The following ATF7IP2 variants were observed in gnomAD, a reference collection of about 807,000 sequenced individuals.
The protein encoded by ATF7IP2 is activating transcription factor 7-interacting protein 2.
Under a neutral mutation model 64.2 loss-of-function variants are expected in ATF7IP2, and 42 were observed. That is an observed-to-expected ratio of 0.65 (90% CI 0.51 to 0.85). The LOEUF (loss-of-function observed/expected upper bound fraction) is 0.85, where lower values mean the gene tolerates loss of function less well. ATF7IP2 is among the 40% of genes least tolerant of loss of function. ATF7IP2 has a pLI of 0.00. For missense variants in ATF7IP2, 933 were observed against 784.2 expected, an observed-to-expected ratio of 1.19 and a Z score of -2.27; for synonymous variants, 308 against 272.8, an observed-to-expected ratio of 1.13 and a Z score of -1.27.
chr16:10,461,242 T>A (rs1444387247), intron 9 of ATF7IP2, among the ~76,000 whole-genome samples: 3 of 152,116 alleles, frequency 2.0e-5, no homozygotes, highest in Non-Finnish European at 4.4e-5. Flanking sequence ...TAATGTTTTG[T>A]TGCGTGAGTA....
chr16:10,467,749 C>T (rs1194104040), intron 9 of ATF7IP2, among the ~76,000 whole-genome samples: 1 of 151,874 alleles, frequency 6.6e-6, no homozygotes, highest in Non-Finnish European at 1.5e-5. Context: ...GATGGGGTTT[C>T]ACCATGTTAT....
chr16:10,396,979 T>C (rs899848688), intron 1 of ATF7IP2, among the ~76,000 whole-genome samples: 1 of 152,160 alleles, frequency 6.6e-6, no homozygotes, highest in African/African-American at 2.4e-5. Flanking sequence ...CATTTAACTT[T>C]GTAGTAATGC....
intron 5 of ATF7IP2, 114 bp from the exon 6 acceptor site, chr16:10,433,411 G>A (rs1390890547): frequency 1.6e-5 from 15 of 951,930 alleles, no homozygotes; most frequent in South Asian, 3.3e-5. Flanking sequence ...CTGGCCTTAA[G>A]CCACCCTCCC....
Position 10,483,163 on chromosome 16 carries a change from C to CTGTT in ATF7IP2, c.*918_*921dup, listed in dbSNP as rs1286753922. 3.9e-5 allele frequency: 6 copies of CTGTT among 152,168 alleles called. No homozygotes were observed. Among genetic ancestry groups the CTGTT allele is most frequent in the Admixed American group, 1.3e-4 (2 of 15,276 alleles). 9.4% of individuals were successfully genotyped at this position (152,168 alleles called of 1,614,324 possible). On this transcript the variant is annotated 3_prime_UTR_variant, in exon 14 of 14. Transcript: ENST00000562102. ...AATAGCCTGGAGGTCTTTCCTGAAT[C>CTGTT]TGTTTGTAGACATAATAAAATTTGT...
intron 8 of ATF7IP2, among the ~76,000 whole-genome samples, chr16:10,441,263 C>T (rs1567467054): frequency 6.6e-6 from 1 of 152,268 alleles, no homozygotes; most frequent in East Asian, 1.9e-4. Flanking sequence ...TGGGTATATA[C>T]CCAGTAATGG....
chr16:10,461,271 A>T (rs1353503102), intron 9 of ATF7IP2, among the ~76,000 whole-genome samples: 1 of 152,128 alleles, frequency 6.6e-6, no homozygotes, highest in East Asian at 1.9e-4. Flanking sequence ...TAGTACTCTA[A>T]AGAAAATTGG....
rs867280648 is a variant in ATF7IP2 at position 10,467,654 on chromosome 16, G to A, written c.1353-4456G>A. Among the ~76,000 whole-genome samples, 10 of 150,140 alleles carry A rather than the reference G, an allele frequency of 6.7e-5. No individual in the cohort carries two copies. The East Asian group carries it at 2.0e-3, about 29-fold the overall frequency. ...TGTATCTTGGCTCACTGCAACCTGT[G>A]CCTCACAGTTCAAGCGATTCTCCTG... On this transcript the variant is annotated intron_variant, in intron 9 of 13. Coordinates refer to ENST00000562102, the MANE Select transcript of ATF7IP2 (RefSeq NM_001393719.1).
At position 10,395,030 on chromosome 16, in the gene ATF7IP2, T is replaced by C. The variant is rs1418654363; in HGVS notation, c.-242+8908T>C. Among the ~76,000 whole-genome samples the C allele has an allele frequency of 2.6e-5, 4 of 152,008 alleles. No homozygotes were observed. In the East Asian group the frequency reaches 5.8e-4, roughly 22 times the overall value. On this transcript the variant is annotated intron_variant, in intron 1 of 13. Coordinates refer to ENST00000562102, the MANE Select transcript of ATF7IP2 (RefSeq NM_001393719.1). ...TAGACAAAAATAGAAAAGGAAACCATAAATCATTTTCTTAAACGATCAAGA... is the reference window on the plus strand; with the variant it reads ...TAGACAAAAATAGAAAAGGAAACCACAAATCATTTTCTTAAACGATCAAGA...
intron 6 of ATF7IP2, among the ~76,000 whole-genome samples, chr16:10,435,146 G>A (rs2060645565): frequency 6.6e-6 from 1 of 152,160 alleles, no homozygotes; most frequent in Non-Finnish European, 1.5e-5. Context: ...CCAAACAGTT[G>A]TCTCTCTCAA....
intron 8 of ATF7IP2, chr16:10,445,281 C>T (rs1270504278): frequency 6.6e-6 from 1 of 152,140 alleles, no homozygotes; most frequent in Non-Finnish European, 1.5e-5. Context: ...TTTTCTTTAG[C>T]CCCTGTTTTT....
chr16:10,423,880 G>T (rs951469937), intron 3 of ATF7IP2, among the ~76,000 whole-genome samples: 4 of 152,148 alleles, frequency 2.6e-5, no homozygotes, highest in Admixed American at 1.3e-4. Context: ...GAGTACTCGG[G>T]TGTCCTCCAG....
intron 2 of ATF7IP2, among the ~76,000 whole-genome samples, chr16:10,416,862 C>G (rs1034814854): frequency 2.6e-5 from 4 of 152,172 alleles, no homozygotes; most frequent in Non-Finnish European, 4.4e-5. Context: ...AACTGGGTGA[C>G]TATAGTCATC....
At chr16:10,477,176 T>C in intron 12 of ATF7IP2, among the ~76,000 whole-genome samples, 1 of 152,048 alleles carries the variant, frequency 6.6e-6, no homozygotes, top group Non-Finnish European at 1.5e-5. Context: ...TGGGAGAAAA[T>C]TTTTGCAATC....
intron 9 of ATF7IP2, among the ~76,000 whole-genome samples, chr16:10,462,612 G>A (rs2049411878): frequency 6.6e-6 from 1 of 152,028 alleles, no homozygotes; most frequent in Non-Finnish European, 1.5e-5. Context: ...CTGCTTTTAA[G>A]ATCCTCTACT....
chr16:10,393,590 A>G lies in ATF7IP2; in HGVS notation c.-242+7468A>G, dbSNP rs1260331804. Among the ~76,000 whole-genome samples the G allele has an allele frequency of 3.3e-5, 5 of 152,188 alleles. No individual in the cohort carries two copies. The East Asian group carries it at 5.8e-4, about 18-fold the overall frequency. On this transcript the variant is annotated intron_variant, in intron 1 of 13. Coordinates refer to ENST00000562102, the MANE Select transcript of ATF7IP2 (RefSeq NM_001393719.1). ...TTATTTTGCTCAATTGTAGGCTAAT[A>G]TGAGTGTTCTGAACATGTTTAAGGT...
At chr16:10,464,074 G>C (rs1287584575) in intron 9 of ATF7IP2, among the ~76,000 whole-genome samples, 1 of 152,156 alleles carries the variant, frequency 6.6e-6, no homozygotes, top group African/African-American at 2.4e-5. Flanking sequence ...ACTTCTCTTG[G>C]ATCTTGGTCT....
intron 1 of ATF7IP2, among the ~76,000 whole-genome samples, chr16:10,397,729 C>T (rs181923797): frequency 8.6e-5 from 13 of 151,454 alleles, no homozygotes; most frequent in South Asian, 2.1e-4. Flanking sequence ...ATTAGGTGCA[C>T]GCCAGTGGTT....
intron 2 of ATF7IP2, among the ~76,000 whole-genome samples, 160 bp from the exon 3 acceptor site, chr16:10,419,421 T>A (rs555454269): frequency 2.9e-4 from 44 of 152,190 alleles, no homozygotes; most frequent in Non-Finnish European, 4.9e-4. Flanking sequence ...TCCAGCCAAG[T>A]TACAGGCCAT....
Position 10,456,216 on chromosome 16 carries a change from A to G in ATF7IP2, c.1195-1156A>G, listed in dbSNP as rs118156074. On this transcript the variant is annotated intron_variant, in intron 8 of 13. Coordinates refer to ENST00000562102, the MANE Select transcript of ATF7IP2 (RefSeq NM_001393719.1). ...GTGAGAAAAAAAAAGAGAAAAATTG[A>G]AGAAGAAACAAACTGTTTAGCAGAA... 3.9e-3 allele frequency among the ~76,000 whole-genome samples: 595 copies of G among 152,306 alleles called. 7 individuals carry two copies. The highest frequency in any genetic ancestry group is 0.023 in the East Asian group (118 of 5,174).
Sources: gnomAD v4.1 joint callset for allele counts (sites outside exome capture counted in the v4.1 genomes callset) on GRCh38, gnomAD v4.1.1 for gene constraint, MANE v1.5 for transcripts, NCBI Gene and HGNC (gene_info 2026-07-23, HGNC 2026-07-21) for gene names.